The following EYA1 variants were observed in gnomAD, a reference collection of about 807,000 sequenced individuals.
EYA1 encodes protein phosphatase EYA1.
In EYA1, 16 loss-of-function variants were observed where a neutral mutation model predicts 82.0. That is an observed-to-expected ratio of 0.20 (90% CI 0.13 to 0.30). The LOEUF (loss-of-function observed/expected upper bound fraction) is 0.30. Among genes scored for constraint, EYA1 ranks in the 10% least tolerant of loss-of-function variants. The probability of loss-of-function intolerance (pLI) is 1.00; values close to 1 mark genes in which losing one functional copy is unlikely to be tolerated. For synonymous variants in EYA1, 261 were observed against 264.4 expected, an observed-to-expected ratio of 0.99 and a Z score of 0.12; for missense variants, 633 against 730.7, an observed-to-expected ratio of 0.87 and a Z score of 1.54.
chr8:71,276,938 T>C (rs1333782357), intron 9 of EYA1, among the ~76,000 whole-genome samples: 1 of 152,112 alleles, frequency 6.6e-6, no homozygotes, highest in East Asian at 1.9e-4. Context: ...TAAAGGTACT[T>C]GGAGCTGCAC....
At chr8:71,547,790 C>G (rs533880655) in intron 1 of EYA1, 111 of 150,724 alleles carry the variant, frequency 7.4e-4, no homozygotes, top group African/African-American at 2.7e-3. Flanking sequence ...GGCGGGAGCG[C>G]GGCCGCCGCG....
At chr8:71,246,957 C>T (rs1813173209) in intron 11 of EYA1, among the ~76,000 whole-genome samples, 1 of 151,064 alleles carries the variant, frequency 6.6e-6, no homozygotes, top group Non-Finnish European at 1.5e-5. Context: ...CCACACCCTT[C>T]CAGCACCTCC....
intron 11 of EYA1, among the ~76,000 whole-genome samples, chr8:71,266,021 T>C (rs1423602798): frequency 1.3e-5 from 2 of 152,218 alleles, no homozygotes; most frequent in Non-Finnish European, 2.9e-5. Flanking sequence ...TTTTTTTTGG[T>C]ACACATTGCT....
At chr8:71,464,980 T>A (rs1808672828) in intron 2 of EYA1, among the ~76,000 whole-genome samples, 1 of 152,184 alleles carries the variant, frequency 6.6e-6, no homozygotes, top group Non-Finnish European at 1.5e-5. Flanking sequence ...CTTCCACAAA[T>A]ACTAATACGT....
chr8:71,481,339 C>A (rs1288068343), intron 2 of EYA1, among the ~76,000 whole-genome samples: 2 of 152,116 alleles, frequency 1.3e-5, no homozygotes, highest in Non-Finnish European at 2.9e-5. Context: ...CTAGCCAAGG[C>A]TGCCGTCAAT....
chr8:71,371,453 T>C (rs959720728), intron 2 of EYA1, among the ~76,000 whole-genome samples: 6 of 152,276 alleles, frequency 3.9e-5, no homozygotes, highest in Middle Eastern at 3.4e-3. Flanking sequence ...AAATCACTTA[T>C]ACCTGGGGAC....
chr8:71,385,696 C>G (rs561666962), intron 2 of EYA1, among the ~76,000 whole-genome samples: 1 of 152,308 alleles, frequency 6.6e-6, no homozygotes, highest in African/African-American at 2.4e-5. Flanking sequence ...TAAACCCAAA[C>G]TTTAAAAACT....
chr8:71,418,015 G>A (rs555299736), intron 2 of EYA1, among the ~76,000 whole-genome samples: 1 of 152,278 alleles, frequency 6.6e-6, no homozygotes, highest in Admixed American at 6.5e-5. Context: ...TCTCTGAGCT[G>A]CCTTAGGGCA....
At chr8:71,274,740 A>G (rs1485918311) in intron 9 of EYA1, among the ~76,000 whole-genome samples, 1 of 152,250 alleles carries the variant, frequency 6.6e-6, no homozygotes, top group Non-Finnish European at 1.5e-5. Flanking sequence ...AACACAGAGG[A>G]AGTCCACATA....
chr8:71,416,351 T>G lies in EYA1; in HGVS notation c.34-59840A>C, dbSNP rs576743118. On this transcript the variant is annotated intron_variant, in intron 2 of 18. Coordinates refer to the EYA1 transcript ENST00000643681. ...CTGGTTTCTTAGCCCTGCCTATGTCTGTGTAAACAGTCCTTTATTCAATGC... is the reference window on the plus strand; with the variant it reads ...CTGGTTTCTTAGCCCTGCCTATGTCGGTGTAAACAGTCCTTTATTCAATGC... Among the ~76,000 whole-genome samples the G allele has an allele frequency of 1.4e-4, 22 of 152,350 alleles. No individual in the cohort carries two copies. In the South Asian group the frequency reaches 2.1e-3, roughly 14 times the overall value.
intron 2 of EYA1, among the ~76,000 whole-genome samples, chr8:71,493,880 G>A (rs1040934315): frequency 8.1e-5 from 12 of 148,076 alleles, no homozygotes; most frequent in African/African-American, 1.5e-4. Context: ...AAAATTAGCC[G>A]GGCGTAGTGG....
At chr8:71,261,576 C>T (rs1033863791) in intron 11 of EYA1, among the ~76,000 whole-genome samples, 13 of 152,296 alleles carry the variant, frequency 8.5e-5, no homozygotes, top group African/African-American at 2.9e-4. Context: ...ACTTAAGAGA[C>T]TCCCTTTCAA....
intron 8 of EYA1, 67 bp downstream of exon 8, chr8:71,299,571 T>C (rs1175777687): frequency 1.1e-6 from 1 of 947,146 alleles, no homozygotes; most frequent in Non-Finnish European, 1.7e-6. Flanking sequence ...CAGATCTTTC[T>C]TTACATAAGA....
intron 2 of EYA1, among the ~76,000 whole-genome samples, chr8:71,448,067 TG>T (rs2082546826): frequency 7.4e-6 from 1 of 134,566 alleles, no homozygotes; most frequent in Non-Finnish European, 1.5e-5. Context: ...GGCATGATCT[TG>T]GCTCACTGCA....
At chr8:71,459,101 G>C (rs937500376) in intron 2 of EYA1, among the ~76,000 whole-genome samples, 3 of 152,100 alleles carry the variant, frequency 2.0e-5, no homozygotes, top group Non-Finnish European at 4.4e-5. Context: ...AAGTTTTCAA[G>C]GCAAATTACT....
intron 2 of EYA1, among the ~76,000 whole-genome samples, chr8:71,382,566 T>A: frequency 6.6e-6 from 1 of 152,246 alleles, no homozygotes; most frequent in Admixed American, 6.5e-5. Context: ...AAGTTGCAAT[T>A]TGTCTCCTTA....
intron 2 of EYA1, among the ~76,000 whole-genome samples, chr8:71,430,039 C>T (rs895606847): frequency 3.3e-5 from 5 of 152,098 alleles, no homozygotes; most frequent in African/African-American, 1.2e-4. Flanking sequence ...CTTACAAACA[C>T]CTATCAAGCA....
At chr8:71,366,486 T>C (rs1230742954), upstream of EYA1, among the ~76,000 whole-genome samples, 5 of 152,278 alleles carry the variant, frequency 3.3e-5, no homozygotes, top group East Asian at 9.6e-4. Context: ...TTCGCCAAGA[T>C]TTTTCCCTCT....
intron 2 of EYA1, among the ~76,000 whole-genome samples, chr8:71,514,284 T>C (rs570661055): frequency 3.3e-5 from 5 of 152,262 alleles, no homozygotes; most frequent in African/African-American, 9.6e-5. Context: ...AACAGTTTCC[T>C]GTAGTTCAGG....
Sources: allele counts gnomAD v4.1 joint callset (sites outside exome capture counted in the v4.1 genomes callset), GRCh38; gene constraint gnomAD v4.1.1; transcripts MANE v1.5; gene names NCBI Gene and HGNC (gene_info 2026-07-23, HGNC 2026-07-21).